Variants in HOMEZ observed in about 807,000 individuals in gnomAD.
The protein encoded by HOMEZ is homeobox and leucine zipper protein Homez.
Under a neutral mutation model 50.1 loss-of-function variants are expected in HOMEZ, and 20 were observed. That is an observed-to-expected ratio of 0.40 (90% CI 0.28 to 0.58). HOMEZ has a LOEUF of 0.58. HOMEZ is among the 20% of genes least tolerant of loss of function. HOMEZ has a pLI of 0.46. For missense variants in HOMEZ, 579 were observed against 680.5 expected (o/e 0.85, Z 1.66); for synonymous variants, 239 against 254.7 (o/e 0.94, Z 0.59).
At position 23,276,941 on chromosome 14, in the gene HOMEZ, A is replaced by G. The variant is rs1387317769; in HGVS notation, c.287T>C (p.Met96Thr). ...CATAAACCAAGTCTTGACTTTCTCCATCTGCAACCCATAACGTAGGCAGAG... is the reference window on the plus strand; with the variant it reads ...CATAAACCAAGTCTTGACTTTCTCCGTCTGCAACCCATAACGTAGGCAGAG... ...ALLCLRYGLQ[M>T]EKVKTWFMAQ... The change falls in exon 2 of 2, where the codon ATG becomes ACG. Residue 96 changes from methionine to threonine, a missense_variant. Coordinates refer to ENST00000357460, the MANE Select transcript of HOMEZ (RefSeq NM_020834.3). The surrounding 1 kb of genome is among the most constrained non-coding windows in gnomAD (Gnocchi z 4.1). 3.7e-6 allele frequency: 6 copies of G among 1,613,936 alleles called. No individual in the cohort carries two copies. The highest frequency in any genetic ancestry group is 5.1e-6 in the Non-Finnish European group (6 of 1,179,900).
chr14:23,280,690 T>TATTA (rs34038581), intron 1 of HOMEZ, among the ~76,000 whole-genome samples: 1 of 122,208 alleles, frequency 8.2e-6, no homozygotes, highest in Non-Finnish European at 1.8e-5. Flanking sequence ...TTATATTTTA[T>TATTA]TTTTATTTTT....
rs369729619 is a variant in HOMEZ, at chr14:23,277,196, A to T, written c.41-9T>A. 2 of 1,532,904 alleles carry T rather than the reference A, an allele frequency of 1.3e-6. No individual in the cohort carries two copies. The highest frequency in any genetic ancestry group is 1.8e-6 in the Non-Finnish European group (2 of 1,138,564). 95.0% of individuals were successfully genotyped at this position (1,532,904 alleles called of 1,614,324 possible). The stretch of plus-strand genomic sequence containing the variant: ...GTGCCCTTCAGAGATAGCTGCAATA[A>T]GAAGACAAACAGCTCAATCACTGGG... On this transcript the variant is annotated splice_polypyrimidine_tract_variant and intron_variant, in intron 1 of 1. Transcript: ENST00000357460.
chr14:23,277,791 C>T (rs939978949), intron 1 of HOMEZ, among the ~76,000 whole-genome samples: 2 of 150,712 alleles, frequency 1.3e-5, no homozygotes, highest in African/African-American at 4.9e-5. Flanking sequence ...AAAACTGATC[C>T]TGATATAGCT....
Position 23,280,710 on chromosome 14 carries a change from T to TTTTATTTTATTTTTGTATTTTTA in HOMEZ, c.41-3524_41-3523insTAAAAATACAAAAATAAAATAAA. Among the ~76,000 whole-genome samples the TTTTATTTTATTTTTGTATTTTTA allele has an allele frequency of 3.2e-5, 2 of 62,102 alleles. 1 individual carries two copies. Among genetic ancestry groups the TTTTATTTTATTTTTGTATTTTTA allele is most frequent in the Non-Finnish European group, 7.0e-5 (2 of 28,460 alleles). 40.7% of individuals were successfully genotyped at this position (62,102 alleles called of 152,430 possible). A position where few individuals can be genotyped will look rare whatever the true frequency, so the allele number is the denominator to read the frequency against. On this transcript the variant is annotated intron_variant, in intron 1 of 1. Transcript: ENST00000357460. ...TTTTATTTTTATTTTTATATTTTTA[T>TTTTATTTTATTTTTGTATTTTTA]TTTTATTTTATTTTATTTTATTTTA...
At position 23,286,068 on chromosome 14, in the gene HOMEZ, C is replaced by A. The variant is rs554358235; in HGVS notation, c.-116G>T. ...ATGGCCGAAACCGGGACTGCCCCCC[C>A]CACCGTCCCCGGGAGCGCGCCGGTC... On this transcript the variant is annotated 5_prime_UTR_variant, in exon 1 of 2. Transcript: ENST00000357460. 7.5e-4 allele frequency: 928 copies of A among 1,231,072 alleles called. 1 individual carries two copies. The South Asian group carries it at 9.1e-3, about 12-fold the overall frequency. The allele number at this position is 1,231,072 out of a possible 1,614,324, so 76.3% of individuals were successfully genotyped here.
At chr14:23,284,509 G>T (rs549028958) in intron 1 of HOMEZ, among the ~76,000 whole-genome samples, 1 of 152,304 alleles carries the variant, frequency 6.6e-6, no homozygotes, top group African/African-American at 2.4e-5. Context: ...CCTGTGTCCT[G>T]GGGCCAGTTT....
rs1047006126 is a variant in HOMEZ, at chr14:23,276,085, T to C, written c.1143A>G (p.Ala381=). The C allele has an allele frequency of 6.2e-7, 1 of 1,613,940 alleles. No individual in the cohort carries two copies. Among genetic ancestry groups the C allele is most frequent in the Non-Finnish European group, 8.5e-7 (1 of 1,179,900 alleles). ...CTAACTTTTGGTAATCCTCACGCCG[T>C]GCCCACTGGCACTGTAAAAAAAAGG... The part of the protein sequence containing the change: ...LKSFFLQCQW[A]RREDYQKLEQ... Residue 381 remains alanine (A), a synonymous_variant, in exon 2 of 2, where the codon GCA becomes GCG. Coordinates refer to ENST00000357460, the MANE Select transcript of HOMEZ (RefSeq NM_020834.3). This position sits in a 1 kb window ranked among gnomAD's most constrained non-coding sequence, Gnocchi z 4.1.
Position 23,273,435 on chromosome 14 carries a change from A to C in HOMEZ, c.*2140T>G, listed in dbSNP as rs1228883088. On this transcript the variant is annotated 3_prime_UTR_variant, in exon 2 of 2. Transcript: ENST00000357460. ...TGGAGACACTGATTTTCAGCTTAGT[A>C]TATAGATAGTAAAATAAAGACGATG... 1 of 152,330 alleles carries C rather than the reference A, an allele frequency of 6.6e-6. No individual in the cohort carries two copies. The highest frequency in any genetic ancestry group is 1.5e-5 in the Non-Finnish European group (1 of 68,122). 9.4% of individuals were successfully genotyped at this position (152,330 alleles called of 1,614,324 possible).
chr14:23,285,576 A>G, intron 1 of HOMEZ: 1 of 244,410 alleles, frequency 4.1e-6, no homozygotes. Context: ...TGTTTCTCCT[A>G]TCCTCCATTT....
chr14:23,279,985 G>A (rs1886455504), intron 1 of HOMEZ, among the ~76,000 whole-genome samples: 1 of 152,062 alleles, frequency 6.6e-6, no homozygotes, highest in Admixed American at 6.5e-5. Flanking sequence ...TTTATATTTA[G>A]AATGTGGATC....
In HOMEZ at chr14:23,272,796, C is replaced by CA. The variant is rs1270141458; in HGVS notation, c.*2778dup. The CA allele has an allele frequency of 1.0e-5, 15 of 1,499,344 alleles. No homozygotes were observed. The highest frequency in any genetic ancestry group is 1.4e-5 in the Non-Finnish European group (15 of 1,101,292). 92.9% of individuals were successfully genotyped at this position (1,499,344 alleles called of 1,614,324 possible). ...CCCTTTTTGCTGTTATAAACACCCA[C>CA]ATCTACCTTCTTGTCCTCTGCTGCA... On this transcript the variant is annotated 3_prime_UTR_variant, in exon 2 of 2. Coordinates refer to ENST00000357460, the MANE Select transcript of HOMEZ (RefSeq NM_020834.3).
intron 1 of HOMEZ, among the ~76,000 whole-genome samples, chr14:23,283,535 G>C (rs1886600859): frequency 6.6e-6 from 1 of 152,132 alleles, no homozygotes; most frequent in Non-Finnish European, 1.5e-5. Context: ...CACAGTCCTA[G>C]GAAAAAGAGG....
rs552524172 is a variant in HOMEZ at position 23,272,812 on chromosome 14, C to G, written c.*2763G>C. On this transcript the variant is annotated 3_prime_UTR_variant, in exon 2 of 2. Transcript: ENST00000357460. ...AAACACCCACATCTACCTTCTTGTC[C>G]TCTGCTGCAGACTCTCTACCAACAA... The G allele has an allele frequency of 1.0e-5, 16 of 1,543,410 alleles. No individual in the cohort carries two copies. The African/African-American group carries it at 2.2e-4, about 21-fold the overall frequency.
intron 1 of HOMEZ, among the ~76,000 whole-genome samples, chr14:23,280,725 ATTTTATTTTATTTTATTATTTTATT>A (rs1886508566): frequency 1.2e-4 from 8 of 68,750 alleles, no homozygotes; most frequent in African/African-American, 4.4e-4. Flanking sequence ...ATTTTATTTT[ATTTTATTTTATTTTATTATTTTATT>A]TTATTTTATT....
intron 1 of HOMEZ, 41 bp from the exon 2 acceptor site, chr14:23,277,228 C>T: frequency 2.0e-6 from 3 of 1,471,016 alleles, no homozygotes; most frequent in Non-Finnish European, 1.8e-6. Flanking sequence ...TGGGTCTCCT[C>T]TTCTGACACA....
chr14:23,282,701 G>A (rs1407464235), intron 1 of HOMEZ, among the ~76,000 whole-genome samples: 32 of 152,206 alleles, frequency 2.1e-4, no homozygotes, highest in Admixed American at 2.1e-3. Flanking sequence ...TATAAGGCAG[G>A]CACATTTATA....
rs1376432016 is a variant in HOMEZ, at chr14:23,280,752, T to C, written c.41-3565A>G. On this transcript the variant is annotated intron_variant, in intron 1 of 1. Coordinates refer to ENST00000357460, the MANE Select transcript of HOMEZ (RefSeq NM_020834.3). ...TTTATTTTATTTTATTATTTTATTT[T>C]ATTTTATTTTATTTTATTTTATTTT... Among the ~76,000 whole-genome samples the C allele has an allele frequency of 1.2e-4, 14 of 114,816 alleles. 1 individual carries two copies. Among genetic ancestry groups the C allele is most frequent in the Non-Finnish European group, 2.3e-4 (13 of 55,866 alleles). 75.3% of individuals were successfully genotyped at this position (114,816 alleles called of 152,430 possible). A position where few individuals can be genotyped will look rare whatever the true frequency, so the allele number is the denominator to read the frequency against.
chr14:23,276,522 C>A lies in HOMEZ; in HGVS notation c.706G>T (p.Gly236Cys). 3.1e-6 allele frequency: 5 copies of A among 1,613,960 alleles called. No individual in the cohort carries two copies. Among genetic ancestry groups the A allele is most frequent in the Non-Finnish European group, 4.2e-6 (5 of 1,179,874 alleles). Residue 236 changes from glycine to cysteine, a missense_variant, in exon 2 of 2, where the codon GGT becomes TGT. Coordinates refer to ENST00000357460, the MANE Select transcript of HOMEZ (RefSeq NM_020834.3). This position sits in a 1 kb window ranked among gnomAD's most constrained non-coding sequence, Gnocchi z 4.1. ...CCTATGCCATGTGACTGGTTGGGAC[C>A]CCTGCCTGCCTGCTCCTTTGAGAGG... ...SGLSKEQAGR[G>C]PNQSHGIGTA...
chr14:23,275,626 C>T lies in HOMEZ; in HGVS notation c.1602G>A (p.Glu534=). 6.4e-7 allele frequency: 1 copy of T among 1,553,450 alleles called. No individual in the cohort carries two copies. The highest frequency in any genetic ancestry group is 8.7e-7 in the Non-Finnish European group (1 of 1,146,782). ...LPEDDEEEEE[E]EEEDDDDDDD... ...CATCATCATCATCATCTTCCTCCTC[C>T]TCCTCCTCCTCTTCCTCATCATCTT... The change falls in exon 2 of 2, where the codon GAG becomes GAA. Residue 534 remains glutamate (E), a synonymous_variant. Transcript: ENST00000357460.
Sources: allele counts gnomAD v4.1 joint callset (sites outside exome capture counted in the v4.1 genomes callset), GRCh38; gene constraint gnomAD v4.1.1; non-coding constraint Gnocchi (gnomAD v3.1); transcripts MANE v1.5; gene names NCBI Gene and HGNC (gene_info 2026-07-23, HGNC 2026-07-21).